GRIK2: variants seen among roughly 807,000 people sequenced by gnomAD.
The protein encoded by GRIK2 is glutamate receptor ionotropic, kainate 2.
In GRIK2, 32 loss-of-function variants were observed where a neutral mutation model predicts 100.3. The ratio of observed to expected loss-of-function variants is 0.32; its 90% CI spans 0.24 to 0.43. The LOEUF (loss-of-function observed/expected upper bound fraction) is 0.43, where lower values mean the gene tolerates loss of function less well. GRIK2 is among the 20% of genes least tolerant of loss of function. The probability of loss-of-function intolerance (pLI) is 1.00; values close to 1 mark genes in which losing one functional copy is unlikely to be tolerated. For missense variants in GRIK2, 843 were observed against 1,114.9 expected, an observed-to-expected ratio of 0.76 and a Z score of 3.47; for synonymous variants, 417 against 389.4, an observed-to-expected ratio of 1.07 and a Z score of -0.83.
chr6:101,725,723 C>T lies in GRIK2; in HGVS notation c.951+39370C>T, dbSNP rs1246652130. ...AGTGTACAATTTTAATCTTCAATAT[C>T]TGTAGGCTTCCAGGTTTCTGGACAG... is the stretch of plus-strand genomic sequence containing the variant. On this transcript the variant is annotated intron_variant, in intron 7 of 16. Transcript: ENST00000369134. 3.3e-5 allele frequency among the ~76,000 whole-genome samples: 5 copies of T among 151,948 alleles called. 1 individual carries two copies. The highest frequency in any genetic ancestry group is 2.6e-4 in the Admixed American group (4 of 15,222).
intron 10 of GRIK2, among the ~76,000 whole-genome samples, chr6:101,821,903 C>G (rs1461334474): frequency 6.6e-6 from 1 of 151,852 alleles, no homozygotes; most frequent in South Asian, 2.1e-4. Flanking sequence ...CTCCCATATC[C>G]CTATCATGGG....
In GRIK2 at chr6:101,541,406, ACACACACACACATACACACACACT is replaced by A. The variant is rs796153379; in HGVS notation, c.116-80542_116-80519del. On this transcript the variant is annotated intron_variant, in intron 2 of 16. Transcript: ENST00000369134. The stretch of plus-strand genomic sequence containing the variant: ...CACACACACACACACACACACACAC[ACACACACACACATACACACACACT>A]ACACCCTTATACAAACCCAACCAAA... 3.6e-3 allele frequency among the ~76,000 whole-genome samples: 534 copies of A among 149,218 alleles called. 11 individuals are homozygous for A. Among genetic ancestry groups the A allele is most frequent in the African/African-American group, 0.012 (490 of 40,324 alleles).
At chr6:101,519,743 T>TA (rs1774778363) in intron 2 of GRIK2, among the ~76,000 whole-genome samples, 2 of 152,242 alleles carry the variant, frequency 1.3e-5, no homozygotes, top group Middle Eastern at 3.4e-3. Context: ...TAACTGTACA[T>TA]ATGCATACAA....
chr6:101,758,777 C>G (rs914991442), intron 7 of GRIK2, among the ~76,000 whole-genome samples: 7 of 152,112 alleles, frequency 4.6e-5, no homozygotes, highest in Non-Finnish European at 2.9e-5. Flanking sequence ...CTGGGGGAAT[C>G]ATTCTTTTTT....
chr6:101,780,398 A>G (rs1779014447), intron 7 of GRIK2, among the ~76,000 whole-genome samples: 1 of 152,122 alleles, frequency 6.6e-6, no homozygotes, highest in Non-Finnish European at 1.5e-5. Context: ...CCAATCTTTC[A>G]TGAGACCTCG....
chr6:101,681,828 C>A (rs1192835489), intron 5 of GRIK2, among the ~76,000 whole-genome samples: 1 of 152,054 alleles, frequency 6.6e-6, no homozygotes, highest in Non-Finnish European at 1.5e-5. Context: ...TTTTAATTAT[C>A]CTTGCCAACT....
At chr6:101,641,578 G>A (rs1456811163) in intron 4 of GRIK2, among the ~76,000 whole-genome samples, 4 of 151,684 alleles carry the variant, frequency 2.6e-5, no homozygotes, top group Non-Finnish European at 4.4e-5. Context: ...GAAATTCAGC[G>A]AAGAGACTAG....
chr6:102,059,152 C>G (rs1056227064), intron 16 of GRIK2, among the ~76,000 whole-genome samples: 2 of 150,862 alleles, frequency 1.3e-5, no homozygotes, highest in African/African-American at 4.8e-5. Context: ...AAAATAAAAA[C>G]AGAAAATAAA....
chr6:101,800,389 C>T (rs1430886016), intron 8 of GRIK2, among the ~76,000 whole-genome samples: 1 of 151,742 alleles, frequency 6.6e-6, no homozygotes, highest in Non-Finnish European at 1.5e-5. Flanking sequence ...TACATATATA[C>T]ATGCATATAT....
intron 4 of GRIK2, among the ~76,000 whole-genome samples, chr6:101,628,494 A>T (rs1036112674): frequency 6.6e-6 from 1 of 152,128 alleles, no homozygotes; most frequent in African/African-American, 2.4e-5. Context: ...CTTTCTTCCT[A>T]AATCATTACT....
chr6:102,034,587 T>A (rs916014252), intron 14 of GRIK2, among the ~76,000 whole-genome samples: 3 of 151,432 alleles, frequency 2.0e-5, no homozygotes, highest in Admixed American at 6.6e-5. Context: ...GAACAAAACC[T>A]ATTTTCTTCT....
At chr6:101,642,503 A>G (rs1582879784) in intron 4 of GRIK2, among the ~76,000 whole-genome samples, 1 of 151,804 alleles carries the variant, frequency 6.6e-6, no homozygotes, top group Admixed American at 6.6e-5. Flanking sequence ...GTCTTTTTGT[A>G]CTGGTTTATT....
At chr6:101,707,943 C>G (rs1039288139) in intron 7 of GRIK2, among the ~76,000 whole-genome samples, 1 of 151,612 alleles carries the variant, frequency 6.6e-6, no homozygotes, top group African/African-American at 2.4e-5. Context: ...ACTGCTGATA[C>G]AAAGGCAAGT....
intron 2 of GRIK2, among the ~76,000 whole-genome samples, chr6:101,466,237 A>C (rs925998096): frequency 1.3e-5 from 2 of 152,040 alleles, no homozygotes; most frequent in African/African-American, 4.8e-5. Flanking sequence ...AATTTTATTC[A>C]CCTCCAAGAA....
intron 2 of GRIK2, among the ~76,000 whole-genome samples, chr6:101,566,320 T>C (rs1777274780): frequency 6.6e-6 from 1 of 152,020 alleles, no homozygotes; most frequent in Non-Finnish European, 1.5e-5. Flanking sequence ...AGAATGTGAC[T>C]AGATTAAACT....
chr6:101,749,023 A>G (rs1279613415), intron 7 of GRIK2, among the ~76,000 whole-genome samples: 1 of 152,212 alleles, frequency 6.6e-6, no homozygotes, highest in African/African-American at 2.4e-5. Context: ...AAAAGGAACT[A>G]ACTTTTATTA....
At chr6:102,065,708 A>C (rs554766124) in intron 16 of GRIK2, 2 of 729,082 alleles carry the variant, frequency 2.7e-6, no homozygotes, top group South Asian at 3.7e-5. Flanking sequence ...TCAATGTTAC[A>C]CGTCCTATAA....
chr6:101,569,992 C>T (rs1244061314), intron 2 of GRIK2, among the ~76,000 whole-genome samples: 4 of 152,090 alleles, frequency 2.6e-5, no homozygotes, highest in African/African-American at 9.6e-5. Context: ...AGCACTAAAG[C>T]TTCAGCTACT....
chr6:101,394,859 G>A (rs898722413), intron 1 of GRIK2, among the ~76,000 whole-genome samples: 26 of 152,092 alleles, frequency 1.7e-4, no homozygotes, highest in African/African-American at 6.3e-4. Context: ...CAAGAGCAAG[G>A]TGATAGAGAA....
Sources: gnomAD v4.1 joint callset for allele counts (sites outside exome capture counted in the v4.1 genomes callset) on GRCh38, gnomAD v4.1.1 for gene constraint, MANE v1.5 for transcripts, NCBI Gene and HGNC (gene_info 2026-07-23, HGNC 2026-07-21) for gene names.